Variants in RIMS2 observed in about 807,000 individuals in gnomAD.
RIMS2 encodes the protein regulating synaptic membrane exocytosis protein 2.
RIMS2 carries 59 observed loss-of-function variants against 174.4 expected under a neutral mutation model. The observed-to-expected ratio is 0.34, with a 90% CI of 0.27 to 0.42. The LOEUF is 0.42. Ranked by LOEUF, RIMS2 falls within the 10% of genes least tolerant of loss-of-function variation. The probability of loss-of-function intolerance (pLI) is 1.00; values close to 1 mark genes in which losing one functional copy is unlikely to be tolerated. For missense variants in RIMS2, 1,620 were observed against 1,666.3 expected, an observed-to-expected ratio of 0.97 and a Z score of 0.48; for synonymous variants, 606 against 572.5, an observed-to-expected ratio of 1.06 and a Z score of -0.84.
intron 3 of RIMS2, among the ~76,000 whole-genome samples, chr8:103,830,425 A>C (rs1287354236): frequency 6.6e-6 from 1 of 152,128 alleles, no homozygotes; most frequent in Non-Finnish European, 1.5e-5. Flanking sequence ...CTGGTGAGAG[A>C]AATATCTTAT....
chr8:103,652,440 TGTGGACTAGTTAA>T (rs1192717500), intron 1 of RIMS2, among the ~76,000 whole-genome samples, 171 bp from the exon 3 acceptor site: 2 of 152,178 alleles, frequency 1.3e-5, no homozygotes, highest in Non-Finnish European at 2.9e-5. Flanking sequence ...GCTGCCTGCT[TGTGGACTAGTTAA>T]GTGTTCAAAT....
intron 15 of RIMS2, among the ~76,000 whole-genome samples, chr8:103,962,129 C>T (rs2090329331): frequency 6.6e-6 from 1 of 151,924 alleles, no homozygotes; most frequent in Non-Finnish European, 1.5e-5. Context: ...AATATCTAGT[C>T]CATTAGGTTT....
intron 1 of RIMS2, among the ~76,000 whole-genome samples, chr8:103,554,281 A>G (rs974194200): frequency 6.6e-5 from 10 of 152,206 alleles, no homozygotes; most frequent in African/African-American, 1.9e-4. Flanking sequence ...AAATATTTGC[A>G]TACTATGCAT....
At chr8:103,626,352 A>G (rs1433280161) in intron 1 of RIMS2, among the ~76,000 whole-genome samples, 1 of 152,188 alleles carries the variant, frequency 6.6e-6, no homozygotes, top group East Asian at 1.9e-4. Context: ...GATGTGTATA[A>G]AAAATGAATA....
At chr8:104,093,035 A>T (rs556897139) in intron 19 of RIMS2, among the ~76,000 whole-genome samples, 2 of 152,158 alleles carry the variant, frequency 1.3e-5, no homozygotes, top group African/African-American at 4.8e-5. Context: ...GGCTTTTCTA[A>T]AAAGAGTTAA....
At chr8:103,824,949 T>G (rs996574474) in intron 3 of RIMS2, among the ~76,000 whole-genome samples, 12 of 152,234 alleles carry the variant, frequency 7.9e-5, no homozygotes, top group African/African-American at 2.2e-4. Context: ...CTACACATTG[T>G]AGCTTTATGT....
chr8:103,692,068 C>T (rs2137099129), intron 1 of RIMS2, among the ~76,000 whole-genome samples: 1 of 152,274 alleles, frequency 6.6e-6, no homozygotes, highest in South Asian at 2.1e-4. Context: ...CTCTCTCTTT[C>T]TGTCTGTGTG....
At chr8:103,681,857 A>C (rs2096884360) in intron 1 of RIMS2, among the ~76,000 whole-genome samples, 1 of 152,074 alleles carries the variant, frequency 6.6e-6, no homozygotes, top group Admixed American at 6.6e-5. Flanking sequence ...CTAGGAGACT[A>C]TTCTCTAGAT....
intron 1 of RIMS2, among the ~76,000 whole-genome samples, chr8:103,562,456 C>T (rs1289126187): frequency 6.6e-6 from 1 of 152,230 alleles, no homozygotes; most frequent in Admixed American, 6.5e-5. Context: ...AGTCTCCTCT[C>T]CTTTGACACC....
chr8:103,650,112 C>CT (rs2096422106), intron 1 of RIMS2, among the ~76,000 whole-genome samples: 1 of 151,932 alleles, frequency 6.6e-6, no homozygotes, highest in Non-Finnish European at 1.5e-5. Flanking sequence ...TTTATGGGGT[C>CT]TTTTTTATTG....
At chr8:103,546,699 A>G (rs1845281094) in intron 1 of RIMS2, among the ~76,000 whole-genome samples, 1 of 152,194 alleles carries the variant, frequency 6.6e-6, no homozygotes, top group African/African-American at 2.4e-5. Flanking sequence ...CCACAGCTCA[A>G]TGAAAATAGA....
At chr8:103,954,382 C>T (rs755432069) in intron 14 of RIMS2, among the ~76,000 whole-genome samples, 9 of 152,106 alleles carry the variant, frequency 5.9e-5, no homozygotes, top group Admixed American at 2.6e-4. Flanking sequence ...TGCAAGAGAA[C>T]GGAAATCATA....
At chr8:104,249,548 C>T in exon 22 of RIMS2, 1 of 1,612,456 alleles carries the variant, frequency 6.2e-7, no homozygotes, top group South Asian at 1.1e-5. Context: ...TCATCCGGGC[C>T]CGTGGCCTTG....
At chr8:104,149,586 T>C (rs2098672700) in intron 19 of RIMS2, among the ~76,000 whole-genome samples, 1 of 152,170 alleles carries the variant, frequency 6.6e-6, no homozygotes, top group African/African-American at 2.4e-5. Context: ...TAATTAAACA[T>C]TAAATCCTTG....
At chr8:104,049,841 A>G (rs866361424) in intron 19 of RIMS2, among the ~76,000 whole-genome samples, 1 of 152,232 alleles carries the variant, frequency 6.6e-6, no homozygotes, top group Admixed American at 6.5e-5. Flanking sequence ...TAAATTTTTC[A>G]TTAAATGTCT....
chr8:103,856,180 C>A (rs1416704803), intron 3 of RIMS2, among the ~76,000 whole-genome samples: 1 of 151,670 alleles, frequency 6.6e-6, no homozygotes, highest in Non-Finnish European at 1.5e-5. Flanking sequence ...TATAGGATAG[C>A]AACTCTGTTA....
intron 9 of RIMS2, among the ~76,000 whole-genome samples, 169 bp from the exon 13 acceptor site, chr8:103,921,503 C>CA (rs771967540): frequency 1.3e-5 from 2 of 151,840 alleles, no homozygotes; most frequent in East Asian, 3.8e-4. Context: ...CTTTGGCTTC[C>CA]AAAAAAACCC....
At chr8:103,935,742 A>G (rs1334381643) in intron 12 of RIMS2, among the ~76,000 whole-genome samples, 4 of 152,230 alleles carry the variant, frequency 2.6e-5, no homozygotes, top group South Asian at 4.1e-4. Context: ...CCTAGGTGAT[A>G]TATAGGATAA....
At chr8:103,628,668 C>T (rs552233637) in intron 1 of RIMS2, among the ~76,000 whole-genome samples, 1 of 151,222 alleles carries the variant, frequency 6.6e-6, no homozygotes, top group African/African-American at 2.4e-5. Flanking sequence ...TGTGGCTGGC[C>T]CTTGGGGTTT....
Sources: gnomAD v4.1 joint callset for allele counts (sites outside exome capture counted in the v4.1 genomes callset) on GRCh38, gnomAD v4.1.1 for gene constraint, MANE v1.5 for transcripts, NCBI Gene and HGNC (gene_info 2026-07-23, HGNC 2026-07-21) for gene names.